Variants in PRKDC observed in about 807,000 individuals in gnomAD.
PRKDC encodes protein kinase, DNA-activated, catalytic subunit.
Under a neutral mutation model 486.9 loss-of-function variants are expected in PRKDC, and 82 were observed. That is an observed-to-expected ratio of 0.17 (90% confidence interval 0.14 to 0.20). The LOEUF (loss-of-function observed/expected upper bound fraction) is 0.20. PRKDC is among the 10% of genes least tolerant of loss of function. The pLI is 1.00. For synonymous variants in PRKDC, 1,895 were observed against 1,837.0 expected, an observed-to-expected ratio of 1.03 and a Z score of -0.81; for missense variants, 4,504 against 5,038.2, an observed-to-expected ratio of 0.89 and a Z score of 3.21.
chr8:47,928,367 G>A (rs2090189744), intron 19 of PRKDC, among the ~76,000 whole-genome samples: 1 of 151,746 alleles, frequency 6.6e-6, no homozygotes, highest in African/African-American at 2.4e-5. Flanking sequence ...TGGCCAGGCT[G>A]GTCTTGAACT....
chr8:47,943,985 T>C lies in PRKDC; in HGVS notation c.766A>G (p.Ile256Val), dbSNP rs757981164. 14 of 1,564,182 alleles carry C rather than the reference T, an allele frequency of 9.0e-6. No homozygotes were observed. Among genetic ancestry groups the C allele is most frequent in the African/African-American group, 5.5e-5 (4 of 73,242 alleles). The change falls in exon 8 of 86, where the codon ATT (isoleucine) becomes GTT (valine). Residue 256 changes from isoleucine to valine, a missense_variant. Coordinates refer to ENST00000314191, the MANE Select transcript of PRKDC (RefSeq NM_006904.7). Reference sequence around the variant, plus strand: ...AATATTAATCCTACCTGAGGACGAATTGCCTTTAGTACAAAATTAAAAATC... The same window carrying C: ...AATATTAATCCTACCTGAGGACGAACTGCCTTTAGTACAAAATTAAAAATC... ...REIFNFVLKA[I>V]RPQIDLKRYA...
At chr8:47,850,711 T>C (rs1011746098) in intron 52 of PRKDC, among the ~76,000 whole-genome samples, 9 of 152,202 alleles carry the variant, frequency 5.9e-5, no homozygotes, top group African/African-American at 2.2e-4. Flanking sequence ...GAAAGCAAGT[T>C]ATAAAACAGT....
chr8:47,880,476 A>G (rs1201110444), intron 38 of PRKDC, among the ~76,000 whole-genome samples: 6 of 152,162 alleles, frequency 3.9e-5, no homozygotes. Flanking sequence ...ACAGCAGAAA[A>G]TTCCAAAGAA....
chr8:47,809,965 G>A (rs973104076), intron 68 of PRKDC, among the ~76,000 whole-genome samples: 1 of 152,166 alleles, frequency 6.6e-6, no homozygotes, highest in African/African-American at 2.4e-5. Context: ...AAGGAGTCCA[G>A]GCAGACAGGG....
chr8:47,906,886 T>C (rs148938242), intron 25 of PRKDC, among the ~76,000 whole-genome samples: 1 of 151,670 alleles, frequency 6.6e-6, no homozygotes, highest in African/African-American at 2.4e-5. Flanking sequence ...CCAAACAGTC[T>C]TTCTAGTCTT....
intron 31 of PRKDC, among the ~76,000 whole-genome samples, chr8:47,891,008 A>C (rs1392744354): frequency 2.0e-5 from 3 of 152,228 alleles, no homozygotes. Context: ...GACAGGCACC[A>C]GTCATCTTAT....
At chr8:47,945,178 C>A (rs1219901913) in intron 7 of PRKDC, among the ~76,000 whole-genome samples, 1 of 152,178 alleles carries the variant, frequency 6.6e-6, no homozygotes, top group Admixed American at 6.5e-5. Context: ...CCTCCACAGT[C>A]CACTCTCCTG....
rs1489820955 is a variant in PRKDC at position 47,794,458 on chromosome 8, T to A, written c.10502A>T (p.His3501Leu). ...GTCTTTGTCCAGTAAGGCCACCATGTGGCTGATCCAGCTGATGAACTGCCA... is the reference window on the plus strand; with the variant it reads ...GTCTTTGTCCAGTAAGGCCACCATGAGGCTGATCCAGCTGATGAACTGCCA... ...PCWQFISWIS[H>L]MVALLDKDQA... The change falls in exon 74 of 86, where the codon CAC becomes CTC. Residue 3501 changes from histidine to leucine, a missense_variant. This residue lies in a region of PRKDC where 706 missense variants were observed against 945.0 expected (regional missense o/e 0.75). Coordinates refer to ENST00000314191, the MANE Select transcript of PRKDC (RefSeq NM_006904.7). 1.2e-6 allele frequency: 2 copies of A among 1,613,738 alleles called. No homozygotes were observed. The highest frequency in any genetic ancestry group is 1.7e-6 in the Non-Finnish European group (2 of 1,179,640).
At chr8:47,818,016 C>CA (rs1188498058) in intron 67 of PRKDC, among the ~76,000 whole-genome samples, 1 of 152,186 alleles carries the variant, frequency 6.6e-6, no homozygotes, top group Non-Finnish European at 1.5e-5. Context: ...GGCATGTACA[C>CA]AGGTAATATT....
intron 59 of PRKDC, 39 bp downstream of exon 59, chr8:47,834,157 G>A: frequency 6.2e-7 from 1 of 1,607,124 alleles, no homozygotes; most frequent in Non-Finnish European, 8.5e-7. Flanking sequence ...GTAATTTAGT[G>A]GGGAAGCTAT....
intron 7 of PRKDC, among the ~76,000 whole-genome samples, chr8:47,944,924 A>G (rs2090506300): frequency 6.6e-6 from 1 of 152,240 alleles, no homozygotes; most frequent in African/African-American, 2.4e-5. Flanking sequence ...AATGAGATAC[A>G]AAAAAAGCTA....
intron 52 of PRKDC, among the ~76,000 whole-genome samples, chr8:47,850,227 T>C (rs2088371094): frequency 6.6e-6 from 1 of 152,074 alleles, no homozygotes; most frequent in African/African-American, 2.4e-5. Context: ...ACCTCCTTCC[T>C]CACAAACATC....
chr8:47,893,012 T>G (rs1589771305), intron 31 of PRKDC, 127 bp downstream of exon 31: 1 of 1,156,660 alleles, frequency 8.6e-7, no homozygotes, highest in Non-Finnish European at 1.1e-6. Flanking sequence ...AGAAGTGACA[T>G]GAAAGCACGG....
intron 63 of PRKDC, 74 bp from the exon 64 acceptor site, chr8:47,824,070 T>C (rs943313378): frequency 7.5e-7 from 1 of 1,327,070 alleles, no homozygotes; most frequent in Non-Finnish European, 9.8e-7. Context: ...AATGAAATGA[T>C]AGTAAATCAA....
rs1563744758 is a variant in PRKDC at position 47,807,177 on chromosome 8, A to C, written c.9707T>G (p.Phe3236Cys). The change falls in exon 69 of 86, where the codon TTT (phenylalanine) becomes TGT (cysteine). Residue 3236 changes from phenylalanine to cysteine, a missense_variant. Phe to Cys is a radical substitution (Grantham distance 205). Coordinates refer to ENST00000314191, the MANE Select transcript of PRKDC (RefSeq NM_006904.7). ...GTCTATCATCTTCATTTTCATGGAA[A>C]ACTTGCAACTCCTGATCAGGGAGCT... ...DISSLIRSCK[F>C]SMKMKMIDSA... 6.2e-7 allele frequency: 1 copy of C among 1,613,834 alleles called. No individual in the cohort carries two copies.
chr8:47,777,618 G>A (rs1298472710), intron 84 of PRKDC, 68 bp downstream of exon 84: 8 of 1,423,568 alleles, frequency 5.6e-6, no homozygotes, highest in East Asian at 4.6e-5. Flanking sequence ...CATCATACAC[G>A]AGAGATACCA....
At chr8:47,850,077 C>T (rs901846232) in intron 52 of PRKDC, among the ~76,000 whole-genome samples, 1 of 152,150 alleles carries the variant, frequency 6.6e-6, no homozygotes, top group Non-Finnish European at 1.5e-5. Flanking sequence ...GCCAGCTCCC[C>T]AAGGGCAGGG....
chr8:47,942,056 C>T (rs1041795680), intron 10 of PRKDC, among the ~76,000 whole-genome samples: 2 of 152,198 alleles, frequency 1.3e-5, no homozygotes, highest in Admixed American at 1.3e-4. Context: ...GGAACAAGGC[C>T]CCCAGGGTGC....
intron 59 of PRKDC, among the ~76,000 whole-genome samples, chr8:47,832,670 G>A (rs564203238): frequency 2.6e-5 from 4 of 152,292 alleles, no homozygotes; most frequent in East Asian, 3.9e-4. Context: ...GGACACTCAC[G>A]CAGGTGAGAT....
Sources: allele counts gnomAD v4.1 joint callset (sites outside exome capture counted in the v4.1 genomes callset), GRCh38; gene constraint gnomAD v4.1.1; regional missense constraint gnomAD v4.1.1; transcripts MANE v1.5; gene names NCBI Gene and HGNC (gene_info 2026-07-23, HGNC 2026-07-21).